Variants in MED15 observed in about 807,000 individuals in gnomAD.
The protein encoded by MED15 is mediator of RNA polymerase II transcription subunit 15.
In MED15, 41 loss-of-function variants were observed where a neutral mutation model predicts 118.7. The observed-to-expected ratio is 0.35, with a 90% CI of 0.27 to 0.45. MED15 has a LOEUF of 0.45. Ranked by LOEUF, MED15 falls within the 20% of genes least tolerant of loss-of-function variation. The pLI, the probability that MED15 is intolerant of heterozygous loss-of-function variation, is 1.00. For missense variants in MED15, 740 were observed against 1,025.5 expected (o/e 0.72, Z 3.80); for synonymous variants, 436 against 413.9 (o/e 1.05, Z -0.65).
chr22:20,533,953 A>AGACAGTGTCTGTCTGGG (rs2054955223), intron 1 of MED15, among the ~76,000 whole-genome samples: 1 of 152,182 alleles, frequency 6.6e-6, no homozygotes, highest in Admixed American at 6.5e-5. Flanking sequence ...TGCTGCACCA[A>AGACAGTGTCTGTCTGGG]GACAGTGTCT....
At chr22:20,574,944 G>A (rs1438090353) in intron 8 of MED15, 169 bp from the exon 9 acceptor site, 6 of 838,026 alleles carry the variant, frequency 7.2e-6, no homozygotes, top group Non-Finnish European at 1.1e-5. Flanking sequence ...TGGAGGTGCT[G>A]TGGGCTTGAA....
intron 2 of MED15, among the ~76,000 whole-genome samples, chr22:20,539,042 C>A (rs187697117): frequency 6.6e-6 from 1 of 152,250 alleles, no homozygotes; most frequent in East Asian, 1.9e-4. Flanking sequence ...GCTTATTTCA[C>A]TTAGCATAAT....
intron 8 of MED15, among the ~76,000 whole-genome samples, chr22:20,571,285 C>G (rs1269723303): frequency 6.6e-6 from 1 of 152,272 alleles, no homozygotes; most frequent in Non-Finnish European, 1.5e-5. Flanking sequence ...ACTGGTCTTC[C>G]TGTCGGTTTC....
intron 1 of MED15, among the ~76,000 whole-genome samples, chr22:20,533,339 A>C (rs1215133852): frequency 6.6e-6 from 1 of 152,252 alleles, no homozygotes; most frequent in African/African-American, 2.4e-5. Flanking sequence ...GTGGGGGATT[A>C]GCTGCAGAGT....
chr22:20,511,988 C>CTTTTTTTTTTT lies in MED15; in HGVS notation c.68+4249_68+4259dup, dbSNP rs746240328. Among the ~76,000 whole-genome samples the CTTTTTTTTTTT allele has an allele frequency of 2.8e-3, 262 of 92,166 alleles. 9 individuals are homozygous for CTTTTTTTTTTT. Among genetic ancestry groups the CTTTTTTTTTTT allele is most frequent in the Non-Finnish European group, 3.5e-3 (178 of 50,646 alleles). The allele number at this position is 92,166 out of a possible 152,430, so 60.5% of individuals were successfully genotyped here. On this transcript the variant is annotated intron_variant, in intron 1 of 17. Coordinates refer to ENST00000263205, the MANE Select transcript of MED15 (RefSeq NM_001003891.3). ...CTTTCAGCTTCTTGAACATTCTAAG[C>CTTTTTTTTTTT]TTTTTTTTTTTTTTTTTGGAGACAA...
chr22:20,529,360 G>T (rs1221174610), intron 1 of MED15, among the ~76,000 whole-genome samples: 2 of 151,896 alleles, frequency 1.3e-5, no homozygotes, highest in Non-Finnish European at 2.9e-5. Flanking sequence ...CGATTCTCTT[G>T]CCTCAGCTTC....
chr22:20,510,913 T>C (rs940853772), intron 1 of MED15, among the ~76,000 whole-genome samples: 2 of 152,164 alleles, frequency 1.3e-5, no homozygotes, highest in East Asian at 1.9e-4. Context: ...ATGGGCATTC[T>C]CCTACCACAG....
At chr22:20,581,162 C>A (rs907238869) in intron 9 of MED15, among the ~76,000 whole-genome samples, 1 of 152,244 alleles carries the variant, frequency 6.6e-6, no homozygotes, top group African/African-American at 2.4e-5. Context: ...TCAGGAACGG[C>A]CTGCACCCAG....
intron 5 of MED15, among the ~76,000 whole-genome samples, chr22:20,556,951 A>C (rs1365230779): frequency 6.6e-6 from 1 of 152,052 alleles, no homozygotes; most frequent in Admixed American, 6.6e-5. Context: ...CCTTTTCATC[A>C]CTAAGTAGTG....
chr22:20,542,063 G>A (rs1399227303), intron 2 of MED15, among the ~76,000 whole-genome samples: 1 of 152,176 alleles, frequency 6.6e-6, no homozygotes, highest in African/African-American at 2.4e-5. Context: ...CCAAAGTGCT[G>A]GGATTACAGG....
intron 1 of MED15, among the ~76,000 whole-genome samples, chr22:20,510,309 C>G (rs764243853): frequency 1.1e-4 from 16 of 152,136 alleles, no homozygotes; most frequent in Non-Finnish European, 2.1e-4. Context: ...TTGCTTGAAC[C>G]CGGGAGGCGG....
At chr22:20,585,684 G>GC (rs1336288720) in intron 16 of MED15, 44 bp from the exon 17 acceptor site, 1 of 1,582,322 alleles carries the variant, frequency 6.3e-7, no homozygotes, top group Non-Finnish European at 8.7e-7. Flanking sequence ...GGCAGGGCAG[G>GC]CCGGGGCTTG....
intron 1 of MED15, among the ~76,000 whole-genome samples, chr22:20,529,617 G>A (rs2054782543): frequency 6.6e-6 from 1 of 151,776 alleles, no homozygotes; most frequent in Non-Finnish European, 1.5e-5. Context: ...TTTTATTTTT[G>A]AGACAGAGTT....
chr22:20,584,186 C>G, intron 13 of MED15, 173 bp from the exon 14 acceptor site: 1 of 651,342 alleles, frequency 1.5e-6, no homozygotes, highest in Non-Finnish European at 2.7e-6. Context: ...ACAAGCAGCT[C>G]CTGGGGTTGA....
At chr22:20,536,182 T>A (rs1336316557) in intron 1 of MED15, among the ~76,000 whole-genome samples, 2 of 152,152 alleles carry the variant, frequency 1.3e-5, no homozygotes, top group African/African-American at 4.8e-5. Context: ...GGCCACTTGT[T>A]TCTTTATCAG....
intron 1 of MED15, among the ~76,000 whole-genome samples, chr22:20,511,074 A>G (rs192908478): frequency 7.0e-4 from 107 of 152,288 alleles, no homozygotes; most frequent in African/African-American, 2.0e-3. Flanking sequence ...TTGTGCTCAT[A>G]GGGTTAAAAA....
rs2057033365 is a variant in MED15 at position 20,582,987 on chromosome 22, C to T, written c.1537+20C>T. The T allele has an allele frequency of 6.2e-7, 1 of 1,608,732 alleles. No homozygotes were observed. Among genetic ancestry groups the T allele is most frequent in the African/African-American group, 1.3e-5 (1 of 74,974 alleles). On this transcript the variant is annotated intron_variant, in intron 11 of 17. Coordinates refer to ENST00000263205, the MANE Select transcript of MED15 (RefSeq NM_001003891.3). ...CACCTGGTAAGTTGGGCCTGAGGTG[C>T]TAAGGTCACTCCTCACCTTTATGAG... is the stretch of plus-strand genomic sequence containing the variant.
At chr22:20,552,434 A>T (rs1301619568) in intron 3 of MED15, 1 of 328,982 alleles carries the variant, frequency 3.0e-6, no homozygotes, top group Admixed American at 4.5e-5. Context: ...CACTGATCTC[A>T]CTCTCTGTGG....
rs1359076817 is a variant in MED15, at chr22:20,582,825, C to G, written c.1410-15C>G. On this transcript the variant is annotated splice_polypyrimidine_tract_variant and intron_variant, in intron 10 of 17. Coordinates refer to ENST00000263205, the MANE Select transcript of MED15 (RefSeq NM_001003891.3). ...CCTGGACCCCGGCTCACATGTTTCTCTCACTTGGCTGCAGCTCTGGCCCTG... is the reference window on the plus strand; with the variant it reads ...CCTGGACCCCGGCTCACATGTTTCTGTCACTTGGCTGCAGCTCTGGCCCTG... 1 of 1,609,468 alleles carries G rather than the reference C, an allele frequency of 6.2e-7. No individual in the cohort carries two copies.
Sources: gnomAD v4.1 joint callset for allele counts (sites outside exome capture counted in the v4.1 genomes callset) on GRCh38, gnomAD v4.1.1 for gene constraint, MANE v1.5 for transcripts, NCBI Gene and HGNC (gene_info 2026-07-23, HGNC 2026-07-21) for gene names.